Variants in FEZ1 observed in about 807,000 individuals in gnomAD.
The protein encoded by FEZ1 is fasciculation and elongation protein zeta-1.
FEZ1 carries 20 observed loss-of-function variants against 49.3 expected under a neutral mutation model. That is an observed-to-expected ratio of 0.41 (90% CI 0.29 to 0.59). FEZ1 has a LOEUF of 0.59. Ranked by LOEUF, FEZ1 falls within the 20% of genes least tolerant of loss-of-function variation. The pLI is 0.36. For missense variants in FEZ1, 413 were observed against 476.0 expected (o/e 0.87, Z 1.23); for synonymous variants, 170 against 180.9 (o/e 0.94, Z 0.48).
At chr11:125,471,874 C>T (rs1374233026) in intron 3 of FEZ1, among the ~76,000 whole-genome samples, 2 of 152,044 alleles carry the variant, frequency 1.3e-5, no homozygotes, top group Non-Finnish European at 2.9e-5. Context: ...GACCCTAAAT[C>T]AGTCTGAACG....
chr11:125,457,492 G>GTATATATACACA (rs745548707), intron 5 of FEZ1, among the ~76,000 whole-genome samples: 21 of 28,440 alleles, frequency 7.4e-4, no homozygotes, highest in South Asian at 2.8e-3. Context: ...ACATATATGT[G>GTATATATACACA]TATATATGTA....
In FEZ1 at chr11:125,493,508, GAGAA is replaced by G. The variant is rs1309003744; in HGVS notation, c.-46+2609_-46+2612del. Reference sequence around the variant, plus strand: ...AAAGAAGGAAAGAAAGAAAGAAAGAGAGAAAGAAAGAAAGAAAGAAAGAAAGAAA... The same window carrying G: ...AAAGAAGGAAAGAAAGAAAGAAAGAGAGAAAGAAAGAAAGAAAGAAAGAAA... On this transcript the variant is annotated intron_variant, in intron 1 of 9. Coordinates refer to ENST00000278919, the MANE Select transcript of FEZ1 (RefSeq NM_005103.5). 5.4e-4 allele frequency among the ~76,000 whole-genome samples: 36 copies of G among 66,056 alleles called. 1 individual carries two copies. Among genetic ancestry groups the G allele is most frequent in the South Asian group, 1.3e-3 (2 of 1,570 alleles). The allele number at this position is 66,056 out of a possible 152,430, so 43.3% of individuals were successfully genotyped here.
At chr11:125,458,474 T>C (rs1243648919) in intron 5 of FEZ1, among the ~76,000 whole-genome samples, 1 of 152,180 alleles carries the variant, frequency 6.6e-6, no homozygotes, top group African/African-American at 2.4e-5. Flanking sequence ...CTACCTGGCT[T>C]CAAATGTTAG....
At chr11:125,478,491 G>A (rs1277515007) in intron 3 of FEZ1, among the ~76,000 whole-genome samples, 1 of 152,162 alleles carries the variant, frequency 6.6e-6, no homozygotes, top group Non-Finnish European at 1.5e-5. Flanking sequence ...GGAGGTATGA[G>A]TGCTCACTAG....
intron 3 of FEZ1, among the ~76,000 whole-genome samples, chr11:125,464,783 T>G (rs972160851): frequency 2.6e-5 from 4 of 152,166 alleles, no homozygotes; most frequent in Non-Finnish European, 5.9e-5. Flanking sequence ...AACCTAGATA[T>G]GGGGTAGGAC....
chr11:125,482,587 TTATTCAACACCAAGAGATTAATGTAAA>T (rs1485563892), intron 2 of FEZ1, among the ~76,000 whole-genome samples: 1 of 152,114 alleles, frequency 6.6e-6, no homozygotes. Flanking sequence ...GATACATAAA[TTATTCAACACCAAGAGATTAATGTAAA>T]TCAGTAAACA....
chr11:125,495,799 G>GACACACACACACACACACAC lies in FEZ1; in HGVS notation c.-46+302_-46+321dup, dbSNP rs10524234. The stretch of plus-strand genomic sequence containing the variant: ...GCACACACGCGGGCACACACACGCG[G>GACACACACACACACACACAC]ACACACACACACACACACACACACA... On this transcript the variant is annotated intron_variant, in intron 1 of 9. Transcript: ENST00000278919. The surrounding 1 kb of genome is among the most constrained non-coding windows in gnomAD (Gnocchi z 4.2). The GACACACACACACACACACAC allele has an allele frequency of 3.1e-5, 9 of 286,244 alleles. No homozygotes were observed. The highest frequency in any genetic ancestry group is 2.1e-4 in the African/African-American group (9 of 42,766). 17.7% of individuals were successfully genotyped at this position (286,244 alleles called of 1,614,324 possible).
At position 125,444,126 on chromosome 11, in the gene FEZ1, G is replaced by A. The variant is rs1565528366; in HGVS notation, c.*1969C>T. 6.6e-6 allele frequency among the ~76,000 whole-genome samples: 1 copy of A among 152,168 alleles called. No individual in the cohort carries two copies. The highest frequency in any genetic ancestry group is 1.5e-5 in the Non-Finnish European group (1 of 68,036). ...CTGAATCCATGCCCTTTTATCACAG[G>A]ACGAGTTGTCACTTCCATGCTCCTG... is the stretch of plus-strand genomic sequence containing the variant. On this transcript the variant is annotated 3_prime_UTR_variant, in exon 10 of 10. Transcript: ENST00000278919.
At chr11:125,477,596 C>T (rs1957243320) in intron 3 of FEZ1, among the ~76,000 whole-genome samples, 1 of 152,176 alleles carries the variant, frequency 6.6e-6, no homozygotes, top group South Asian at 2.1e-4. Flanking sequence ...AGCCCTGCCG[C>T]CTCTACCTGA....
intron 3 of FEZ1, among the ~76,000 whole-genome samples, chr11:125,467,447 A>G (rs1957141439): frequency 6.6e-6 from 1 of 152,232 alleles, no homozygotes; most frequent in African/African-American, 2.4e-5. Flanking sequence ...GCCAACACAT[A>G]TTTGTTGAAA....
intron 3 of FEZ1, among the ~76,000 whole-genome samples, chr11:125,466,332 TAGTC>T (rs1189263065): frequency 6.6e-6 from 1 of 151,854 alleles, no homozygotes; most frequent in Non-Finnish European, 1.5e-5. Context: ...ATAGAAAAAT[TAGTC>T]AGGCATGATG....
chr11:125,491,410 C>A (rs893233534), intron 1 of FEZ1, among the ~76,000 whole-genome samples: 1 of 152,168 alleles, frequency 6.6e-6, no homozygotes, highest in Admixed American at 6.5e-5. Flanking sequence ...ACTGCCTACC[C>A]TGTGGCTAGG....
chr11:125,447,321 G>C (rs955095205), intron 9 of FEZ1, among the ~76,000 whole-genome samples: 6 of 152,084 alleles, frequency 3.9e-5, no homozygotes, highest in Non-Finnish European at 8.8e-5. Flanking sequence ...GAAATTCTAT[G>C]GCACAAACAA....
intron 3 of FEZ1, among the ~76,000 whole-genome samples, chr11:125,471,767 C>G (rs966861831): frequency 6.6e-6 from 1 of 152,092 alleles, no homozygotes; most frequent in African/African-American, 2.4e-5. Flanking sequence ...ACCAAGTTAA[C>G]CTGGTTGACA....
At chr11:125,472,457 A>G (rs1236238085) in intron 3 of FEZ1, among the ~76,000 whole-genome samples, 3 of 152,128 alleles carry the variant, frequency 2.0e-5, no homozygotes, top group African/African-American at 7.2e-5. Flanking sequence ...GACATTTTCA[A>G]TAACAAAACA....
intron 3 of FEZ1, among the ~76,000 whole-genome samples, chr11:125,479,722 C>T (rs1038080056): frequency 5.3e-5 from 8 of 152,150 alleles, no homozygotes; most frequent in East Asian, 1.9e-4. Context: ...GAGAAGGTGC[C>T]GTCTGTGAAC....
chr11:125,490,926 G>A (rs1039325825), intron 1 of FEZ1, among the ~76,000 whole-genome samples: 3 of 151,948 alleles, frequency 2.0e-5, no homozygotes, highest in African/African-American at 7.3e-5. Context: ...GCTAATTTTT[G>A]TATTATTAGT....
Position 125,454,123 on chromosome 11 carries a change from CG to C in FEZ1, c.1020+6del. Reference sequence around the variant, plus strand: ...AAGAGAGCTTGGAGCAGGGAGACTACGCGTACCTGTTTGTCAGTTCCTGAGG... The same window carrying C: ...AAGAGAGCTTGGAGCAGGGAGACTACCGTACCTGTTTGTCAGTTCCTGAGG... On this transcript the variant is annotated splice_donor_region_variant and intron_variant, in intron 7 of 9. Coordinates refer to ENST00000278919, the MANE Select transcript of FEZ1 (RefSeq NM_005103.5). 6.2e-7 allele frequency: 1 copy of C among 1,608,520 alleles called. No homozygotes were observed. Among genetic ancestry groups the C allele is most frequent in the East Asian group, 2.2e-5 (1 of 44,794 alleles).
intron 3 of FEZ1, among the ~76,000 whole-genome samples, chr11:125,466,735 C>A (rs770443878): frequency 1.3e-5 from 2 of 152,126 alleles, no homozygotes; most frequent in Non-Finnish European, 2.9e-5. Context: ...AGGCCTATAA[C>A]ATTGCTAAAT....
Sources: gnomAD v4.1 joint callset for allele counts (sites outside exome capture counted in the v4.1 genomes callset) on GRCh38, gnomAD v4.1.1 for gene constraint, Gnocchi (gnomAD v3.1) non-coding constraint, MANE v1.5 for transcripts, NCBI Gene and HGNC (gene_info 2026-07-23, HGNC 2026-07-21) for gene names.